The following ATP6V1E1 variants were observed in gnomAD, a reference collection of about 807,000 sequenced individuals.
The protein encoded by ATP6V1E1 is ATPase H+ transporting V1 subunit E1, also known as V-type proton ATPase subunit E 1.
ATP6V1E1 carries 21 observed loss-of-function variants against 35.2 expected under a neutral mutation model. The observed-to-expected ratio is 0.60, with a 90% CI of 0.42 to 0.86. ATP6V1E1 has a LOEUF of 0.86. Ranked by LOEUF, ATP6V1E1 falls within the 40% of genes least tolerant of loss-of-function variation. The pLI is 0.00. For synonymous variants in ATP6V1E1, 83 were observed against 87.8 expected (o/e 0.95, Z 0.30); for missense variants, 183 against 272.6 (o/e 0.67, Z 2.32).
At chr22:17,595,839 C>A (rs993675727) in intron 7 of ATP6V1E1, among the ~76,000 whole-genome samples, 4 of 149,792 alleles carry the variant, frequency 2.7e-5, no homozygotes, top group Non-Finnish European at 4.4e-5. Flanking sequence ...ACAACAACAA[C>A]AAAAAAAGAG....
intron 4 of ATP6V1E1, among the ~76,000 whole-genome samples, chr22:17,605,682 T>C (rs1332398095): frequency 6.8e-6 from 1 of 146,090 alleles, no homozygotes; most frequent in Non-Finnish European, 1.5e-5. Flanking sequence ...AAGCTTTAGG[T>C]AGATGTTTCT....
intron 2 of ATP6V1E1, 142 bp downstream of exon 2, chr22:17,619,319 G>A (rs1353586798): frequency 2.7e-6 from 2 of 753,238 alleles, no homozygotes; most frequent in South Asian, 1.7e-5. Context: ...AAGGAAGGAA[G>A]GAGGGGAAGG....
At chr22:17,619,164 T>C (rs1368238479) in intron 2 of ATP6V1E1, 3 of 458,200 alleles carry the variant, frequency 6.5e-6, no homozygotes, top group East Asian at 1.1e-4. Context: ...TGGTGGCACA[T>C]GCCTGTAATC....
chr22:17,612,975 T>C, intron 3 of ATP6V1E1, 97 bp from the exon 4 acceptor site: 2 of 1,184,886 alleles, frequency 1.7e-6, no homozygotes, highest in Non-Finnish European at 2.4e-6. Context: ...TCCCTTGGCC[T>C]CCCCAAAGCA....
chr22:17,620,014 T>C (rs1391493136), intron 1 of ATP6V1E1, among the ~76,000 whole-genome samples: 3 of 152,210 alleles, frequency 2.0e-5, no homozygotes, highest in Admixed American at 1.3e-4. Flanking sequence ...CTCTCAACAC[T>C]GCAGTCTCAC....
intron 7 of ATP6V1E1, among the ~76,000 whole-genome samples, chr22:17,596,999 T>C (rs765141695): frequency 1.3e-5 from 2 of 151,894 alleles, no homozygotes; most frequent in Non-Finnish European, 2.9e-5. Flanking sequence ...TCCCAGCACT[T>C]TGGGAGGCCG....
At chr22:17,598,617 G>T (rs2057745367) in intron 6 of ATP6V1E1, among the ~76,000 whole-genome samples, 1 of 152,154 alleles carries the variant, frequency 6.6e-6, no homozygotes, top group African/African-American at 2.4e-5. Flanking sequence ...GCTGGGGGTA[G>T]GTAAGGAGAG....
intron 7 of ATP6V1E1, among the ~76,000 whole-genome samples, chr22:17,596,949 A>T (rs1380244422): frequency 6.6e-6 from 1 of 151,988 alleles, no homozygotes; most frequent in Admixed American, 6.5e-5. Context: ...TAACTTCAAA[A>T]TGTGTCCAAG....
chr22:17,625,323 T>C (rs1015900947), intron 1 of ATP6V1E1, among the ~76,000 whole-genome samples: 1 of 152,114 alleles, frequency 6.6e-6, no homozygotes, highest in Non-Finnish European at 1.5e-5. Context: ...TGGAGTACAA[T>C]GGCATGATCT....
chr22:17,625,737 G>A (rs915925281), intron 1 of ATP6V1E1, among the ~76,000 whole-genome samples: 2 of 151,926 alleles, frequency 1.3e-5, no homozygotes, highest in South Asian at 2.1e-4. Flanking sequence ...AAAATCTATC[G>A]GCAATATGAT....
intron 4 of ATP6V1E1, among the ~76,000 whole-genome samples, chr22:17,611,848 T>G (rs2057817133): frequency 6.6e-6 from 1 of 152,240 alleles, no homozygotes; most frequent in African/African-American, 2.4e-5. Context: ...GAATACTGGT[T>G]TGTGTTTCTT....
intron 1 of ATP6V1E1, among the ~76,000 whole-genome samples, chr22:17,624,355 ACCAG>A (rs1456936500): frequency 6.6e-6 from 1 of 152,158 alleles, no homozygotes; most frequent in Non-Finnish European, 1.5e-5. Context: ...GGAGTTCGAG[ACCAG>A]CCTGGCCAAC....
intron 3 of ATP6V1E1, 104 bp downstream of exon 3, chr22:17,613,107 G>T: frequency 1.0e-6 from 1 of 965,072 alleles, no homozygotes. Context: ...ATTAGTAGTA[G>T]GTGGTCGAGT....
intron 7 of ATP6V1E1, among the ~76,000 whole-genome samples, chr22:17,597,573 C>G (rs530271094): frequency 1.3e-5 from 2 of 152,150 alleles, no homozygotes; most frequent in African/African-American, 2.4e-5. Context: ...GAGATCTGGT[C>G]CTAGCTTTCA....
At chr22:17,609,184 G>A (rs531875496) in intron 4 of ATP6V1E1, among the ~76,000 whole-genome samples, 60 of 151,698 alleles carry the variant, frequency 4.0e-4, no homozygotes, top group Non-Finnish European at 7.2e-4. Context: ...TTTTTTGAGC[G>A]GAGTCTCACT....
intron 2 of ATP6V1E1, among the ~76,000 whole-genome samples, chr22:17,613,844 G>C (rs5746442): frequency 6.6e-6 from 1 of 151,810 alleles, no homozygotes; most frequent in Non-Finnish European, 1.5e-5. Context: ...GCAGGCGCCT[G>C]TAGTCCCAGC....
At chr22:17,622,834 G>A (rs550469798) in intron 1 of ATP6V1E1, among the ~76,000 whole-genome samples, 3 of 152,120 alleles carry the variant, frequency 2.0e-5, no homozygotes, top group African/African-American at 7.2e-5. Context: ...AGGCGTGGTG[G>A]TGCATGCCTG....
chr22:17,620,141 C>G (rs1000162293), intron 1 of ATP6V1E1, among the ~76,000 whole-genome samples: 9 of 150,088 alleles, frequency 6.0e-5, no homozygotes, highest in African/African-American at 2.2e-4. Context: ...GTTCAGCAAC[C>G]TTCCCTTTGT....
In ATP6V1E1 at chr22:17,594,545, T is replaced by A. The variant is rs1330842717; in HGVS notation, c.602A>T (p.Asp201Val). The A allele has an allele frequency of 6.3e-7, 1 of 1,591,536 alleles. No individual in the cohort carries two copies. Among genetic ancestry groups the A allele is most frequent in the South Asian group, 1.2e-5 (1 of 86,804 alleles). Reference sequence around the variant, plus strand: ...CACACTCACCTGCTGGGCTATGAGATCCAGCCGGCTTTCCAGGGTGTTGGA... The same window carrying A: ...CACACTCACCTGCTGGGCTATGAGAACCAGCCGGCTTTCCAGGGTGTTGGA... ...KVSNTLESRL[D>V]LIAQQMMPEV... The change falls in exon 8 of 9, where the codon GAT becomes GTT. Residue 201 changes from aspartate to valine, a missense_variant. Asp to Val is a radical substitution (Grantham distance 152). Coordinates refer to ENST00000253413, the MANE Select transcript of ATP6V1E1 (RefSeq NM_001696.4).
Sources: gnomAD v4.1 joint callset for allele counts (sites outside exome capture counted in the v4.1 genomes callset) on GRCh38, gnomAD v4.1.1 for gene constraint, MANE v1.5 for transcripts, NCBI Gene and HGNC (gene_info 2026-07-23, HGNC 2026-07-21) for gene names.